The following RALYL variants were observed in gnomAD, a reference collection of about 807,000 sequenced individuals.
The protein encoded by RALYL is RALY RNA binding protein like.
Under a neutral mutation model 35.1 loss-of-function variants are expected in RALYL, and 29 were observed. The observed-to-expected ratio is 0.83, with a 90% CI of 0.61 to 1.13. The LOEUF is 1.13. Ranked by LOEUF, RALYL falls within the 50% of genes most tolerant of loss-of-function variation. The probability of loss-of-function intolerance (pLI) is 0.00; values close to 1 mark genes in which losing one functional copy is unlikely to be tolerated. For synonymous variants in RALYL, 120 were observed against 127.6 expected, an observed-to-expected ratio of 0.94 and a Z score of 0.40; for missense variants, 359 against 360.4, an observed-to-expected ratio of 1.00 and a Z score of 0.03.
chr8:84,747,348 AT>A (rs1563508180), intron 2 of RALYL, among the ~76,000 whole-genome samples: 3 of 151,584 alleles, frequency 2.0e-5, no homozygotes, highest in Non-Finnish European at 4.4e-5. Context: ...ATCTTACATG[AT>A]TTTTTAAAAC....
At chr8:84,400,070 C>T (rs547456337) in intron 1 of RALYL, among the ~76,000 whole-genome samples, 8 of 151,946 alleles carry the variant, frequency 5.3e-5, no homozygotes, top group Non-Finnish European at 7.4e-5. Flanking sequence ...GAGTCAAGAT[C>T]GTGCCACTGC....
intron 1 of RALYL, among the ~76,000 whole-genome samples, chr8:84,327,213 A>G (rs1845963702): frequency 6.6e-6 from 1 of 152,144 alleles, no homozygotes; most frequent in East Asian, 1.9e-4. Flanking sequence ...GAAACAAAGC[A>G]TTTCAGAGAA....
intron 1 of RALYL, among the ~76,000 whole-genome samples, chr8:84,244,703 T>C (rs2131603123): frequency 6.6e-6 from 1 of 152,318 alleles, no homozygotes; most frequent in East Asian, 1.9e-4. Context: ...TTATTATCTT[T>C]CACATTTTGT....
intron 1 of RALYL, among the ~76,000 whole-genome samples, chr8:84,208,475 A>T (rs758898257): frequency 1.3e-5 from 2 of 151,970 alleles, no homozygotes; most frequent in Admixed American, 6.6e-5. Context: ...AAATAGCCCT[A>T]CTGTTAGGTC....
Position 84,351,980 on chromosome 8 carries a change from A to G in RALYL, c.-24+167556A>G, listed in dbSNP as rs144316409. ...ATTTCACAGCGTGCAGTAATTGTGA[A>G]TTTTTAGATGGAAATATATGTGTGT... On this transcript the variant is annotated intron_variant, in intron 1 of 8. Transcript: ENST00000521268. Among the ~76,000 whole-genome samples, 4 of 150,438 alleles carry G rather than the reference A, an allele frequency of 2.7e-5. 1 individual carries two copies. The highest frequency in any genetic ancestry group is 9.9e-5 in the African/African-American group (4 of 40,504).
intron 7 of RALYL, among the ~76,000 whole-genome samples, chr8:84,883,520 G>A (rs571925390): frequency 1.1e-4 from 16 of 151,918 alleles, no homozygotes; most frequent in Non-Finnish European, 1.3e-4. Context: ...CAGGAGAAAC[G>A]GGAAACCCCT....
chr8:84,671,260 C>A (rs1471830402), intron 2 of RALYL, among the ~76,000 whole-genome samples: 5 of 152,150 alleles, frequency 3.3e-5, no homozygotes, highest in Non-Finnish European at 7.4e-5. Flanking sequence ...CGGGATACAG[C>A]CCTCCCTGCT....
At chr8:84,266,634 C>A (rs952865694) in intron 1 of RALYL, among the ~76,000 whole-genome samples, 3 of 152,140 alleles carry the variant, frequency 2.0e-5, no homozygotes, top group African/African-American at 7.2e-5. Flanking sequence ...TTGAGAGTTC[C>A]TGGTGAAATC....
At chr8:84,224,143 G>A (rs1206528215) in intron 1 of RALYL, among the ~76,000 whole-genome samples, 2 of 152,104 alleles carry the variant, frequency 1.3e-5, no homozygotes, top group Non-Finnish European at 2.9e-5. Context: ...ACTTCTTTCA[G>A]CTATGGCTCA....
chr8:84,377,461 T>TG lies in RALYL; in HGVS notation c.-23-151838_-23-151837insG, dbSNP rs901069851. ...CATCAAAGGTTAACTGTTTTTTTTT[T>TG]TTTTTTTTTTTTTTCTTAAACTGAT... On this transcript the variant is annotated intron_variant, in intron 1 of 8. Coordinates refer to ENST00000521268, the MANE Select transcript of RALYL (RefSeq NM_173848.7). 6.5e-3 allele frequency among the ~76,000 whole-genome samples: 962 copies of TG among 147,136 alleles called. 12 individuals carry two copies. The highest frequency in any genetic ancestry group is 0.023 in the African/African-American group (885 of 39,198).
chr8:84,597,018 C>A (rs1424946343), intron 2 of RALYL, among the ~76,000 whole-genome samples: 1 of 152,018 alleles, frequency 6.6e-6, no homozygotes, highest in Non-Finnish European at 1.5e-5. Context: ...ACAGATTCAA[C>A]AGAATATATG....
chr8:84,533,074 A>T (rs1395566930), intron 2 of RALYL, among the ~76,000 whole-genome samples: 1 of 152,116 alleles, frequency 6.6e-6, no homozygotes, highest in Non-Finnish European at 1.5e-5. Context: ...CATTATTCAG[A>T]ATTTTTTTAA....
rs1311589641 is a variant in RALYL at position 84,228,570 on chromosome 8, G to A, written c.-24+44146G>A. On this transcript the variant is annotated intron_variant, in intron 1 of 8. Coordinates refer to ENST00000521268, the MANE Select transcript of RALYL (RefSeq NM_173848.7). ...GAGGAAAACACTTCTATATGTCTTA[G>A]GATAGTAGGGAAGAGTGCATCATTT... Among the ~76,000 whole-genome samples the A allele has an allele frequency of 2.0e-5, 3 of 152,316 alleles. No homozygotes were observed. The East Asian group carries it at 5.8e-4, about 29-fold the overall frequency.
intron 1 of RALYL, among the ~76,000 whole-genome samples, chr8:84,377,800 A>G (rs1259495149): frequency 6.6e-6 from 1 of 151,840 alleles, no homozygotes; most frequent in African/African-American, 2.4e-5. Context: ...ACACATCCAT[A>G]AAACCAGTGT....
At chr8:84,254,446 T>C (rs1427239097) in intron 1 of RALYL, among the ~76,000 whole-genome samples, 6 of 151,984 alleles carry the variant, frequency 3.9e-5, no homozygotes, top group Non-Finnish European at 8.8e-5. Context: ...TCTATAAAAG[T>C]CTGTGGGATC....
At chr8:84,823,779 T>A (rs913409633) in intron 4 of RALYL, among the ~76,000 whole-genome samples, 3 of 152,096 alleles carry the variant, frequency 2.0e-5, no homozygotes, top group Non-Finnish European at 2.9e-5. Flanking sequence ...TACTTCTTTA[T>A]CTCTCTCTAT....
intron 2 of RALYL, among the ~76,000 whole-genome samples, chr8:84,648,831 C>T (rs1347575236): frequency 1.3e-5 from 2 of 150,622 alleles, no homozygotes; most frequent in Non-Finnish European, 3.0e-5. Flanking sequence ...TTAAATAATA[C>T]TATAATATCT....
chr8:84,526,917 A>G (rs914965497), intron 1 of RALYL, among the ~76,000 whole-genome samples: 2 of 152,104 alleles, frequency 1.3e-5, no homozygotes, highest in African/African-American at 4.8e-5. Context: ...CTTCATCTAT[A>G]TTTCCCTGGT....
chr8:84,429,337 G>C (rs1451650476), intron 1 of RALYL, among the ~76,000 whole-genome samples: 1 of 152,120 alleles, frequency 6.6e-6, no homozygotes, highest in African/African-American at 2.4e-5. Context: ...TGAAGAACTG[G>C]TTTAGTGCTG....
Sources: gnomAD v4.1 joint callset for allele counts (sites outside exome capture counted in the v4.1 genomes callset) on GRCh38, gnomAD v4.1.1 for gene constraint, MANE v1.5 for transcripts, NCBI Gene and HGNC (gene_info 2026-07-23, HGNC 2026-07-21) for gene names.